Variants in CSNK1G3 observed in about 807,000 individuals in gnomAD.
CSNK1G3 encodes the protein casein kinase I isoform gamma-3.
Under a neutral mutation model 64.3 loss-of-function variants are expected in CSNK1G3, and 23 were observed. That is an observed-to-expected ratio of 0.36 (90% CI 0.26 to 0.51). CSNK1G3 has a LOEUF of 0.51. CSNK1G3 is among the 20% of genes least tolerant of loss of function. The pLI is 0.96. For synonymous variants in CSNK1G3, 158 were observed against 162.2 expected (o/e 0.97, Z 0.20); for missense variants, 357 against 510.5 (o/e 0.70, Z 2.90).
rs145658502 is a variant in CSNK1G3 at position 123,536,524 on chromosome 5, A to G, written c.-247-8893A>G. Among the ~76,000 whole-genome samples the G allele has an allele frequency of 1.1e-4, 16 of 151,778 alleles. No individual in the cohort carries two copies. The South Asian group carries it at 2.3e-3, about 22-fold the overall frequency. ...TGTAGGGGGACTATAGTTAACAGTAATGCATAGTTTCAAATAGCTAGAAGG... is the reference window on the plus strand; with the variant it reads ...TGTAGGGGGACTATAGTTAACAGTAGTGCATAGTTTCAAATAGCTAGAAGG... On this transcript the variant is annotated intron_variant, in intron 1 of 12. Transcript: ENST00000345990.
chr5:123,545,435 TC>T, exon 2 of CSNK1G3: 1 of 403,794 alleles, frequency 2.5e-6, no homozygotes, highest in Non-Finnish European at 4.5e-6. Flanking sequence ...CAATATCAGC[TC>T]ACATCATTGA....
chr5:123,512,644 C>T (rs563643617), intron 1 of CSNK1G3, 74 bp downstream of exon 1: 2 of 149,684 alleles, frequency 1.3e-5, no homozygotes, highest in African/African-American at 2.4e-5. Flanking sequence ...CCGCGGCGCC[C>T]TCCCTCCCGG....
chr5:123,521,446 G>T (rs1778089368), intron 1 of CSNK1G3, among the ~76,000 whole-genome samples: 1 of 152,026 alleles, frequency 6.6e-6, no homozygotes, highest in Admixed American at 6.6e-5. Context: ...TAAGATAATT[G>T]TTTTGAGTAT....
intron 6 of CSNK1G3, among the ~76,000 whole-genome samples, chr5:123,583,465 A>G (rs560526450): frequency 1.1e-3 from 173 of 151,642 alleles, no homozygotes; most frequent in Middle Eastern, 6.8e-3. Context: ...GATTCAAGCG[A>G]TTCTCCTGCC....
intron 6 of CSNK1G3, among the ~76,000 whole-genome samples, chr5:123,587,001 A>G (rs1487567969): frequency 6.6e-6 from 1 of 152,186 alleles, no homozygotes; most frequent in Non-Finnish European, 1.5e-5. Flanking sequence ...CTTATTCACT[A>G]TCAGGAGAAA....
chr5:123,593,810 G>A (rs1165172379), intron 10 of CSNK1G3, among the ~76,000 whole-genome samples: 1 of 152,048 alleles, frequency 6.6e-6, no homozygotes, highest in African/African-American at 2.4e-5. Context: ...GCCAGAACAT[G>A]TATTCATGTG....
At position 123,554,632 on chromosome 5, in the gene CSNK1G3, G is replaced by A. The variant is rs148662502; in HGVS notation, c.219+1485G>A. ...GTGAGCCACTGTGCCCAGCCTGGAC[G>A]TTGTTTGAACAGGCATTGCTGACTT... is the stretch of plus-strand genomic sequence containing the variant. On this transcript the variant is annotated intron_variant, in intron 3 of 12. Transcript: ENST00000345990. Among the ~76,000 whole-genome samples, 14 of 152,310 alleles carry A rather than the reference G, an allele frequency of 9.2e-5. No individual in the cohort carries two copies. The East Asian group carries it at 2.5e-3, about 27-fold the overall frequency.
At chr5:123,556,924 T>TA (rs1784750461) in intron 3 of CSNK1G3, among the ~76,000 whole-genome samples, 1 of 151,948 alleles carries the variant, frequency 6.6e-6, no homozygotes, top group Non-Finnish European at 1.5e-5. Flanking sequence ...GTGATAGAAG[T>TA]AAAAAAGGTA....
chr5:123,559,903 AC>A (rs1785352221), intron 4 of CSNK1G3, among the ~76,000 whole-genome samples: 1 of 152,082 alleles, frequency 6.6e-6, no homozygotes, highest in Non-Finnish European at 1.5e-5. Flanking sequence ...GAGTAACTCA[AC>A]CTATAATTTT....
exon 13 of CSNK1G3, chr5:123,614,436 T>C (rs1175996231): frequency 6.4e-7 from 1 of 1,569,306 alleles, no homozygotes; most frequent in Non-Finnish European, 8.7e-7. Flanking sequence ...ACTTACATGT[T>C]CATCTGCTGT....
intron 1 of CSNK1G3, among the ~76,000 whole-genome samples, chr5:123,527,389 T>C (rs891978741): frequency 6.6e-5 from 10 of 152,224 alleles, no homozygotes; most frequent in Admixed American, 1.3e-4. Flanking sequence ...TTGATTTAGC[T>C]GGGCAGAAGG....
At chr5:123,604,389 G>A (rs1316496232) in intron 10 of CSNK1G3, among the ~76,000 whole-genome samples, 3 of 151,970 alleles carry the variant, frequency 2.0e-5, no homozygotes, top group African/African-American at 7.2e-5. Context: ...GGTGCCAGAG[G>A]ACATAGACAC....
At chr5:123,566,561 C>T (rs1168337496) in intron 4 of CSNK1G3, among the ~76,000 whole-genome samples, 1 of 152,152 alleles carries the variant, frequency 6.6e-6, no homozygotes, top group East Asian at 1.9e-4. Flanking sequence ...TGTGACCTAA[C>T]CTACCATTTA....
intron 6 of CSNK1G3, among the ~76,000 whole-genome samples, chr5:123,586,469 G>A (rs1349001752): frequency 1.3e-5 from 2 of 152,110 alleles, no homozygotes; most frequent in Non-Finnish European, 2.9e-5. Flanking sequence ...ATTAGTGGAT[G>A]TAGATGGACT....
intron 6 of CSNK1G3, among the ~76,000 whole-genome samples, chr5:123,585,013 G>A (rs1157616784): frequency 2.6e-5 from 4 of 151,858 alleles, no homozygotes; most frequent in African/African-American, 9.7e-5. Flanking sequence ...TCCAGCTTTT[G>A]TTTTCATTGG....
intron 12 of CSNK1G3, among the ~76,000 whole-genome samples, chr5:123,611,088 C>T (rs1248724673): frequency 6.6e-6 from 1 of 152,166 alleles, no homozygotes; most frequent in Non-Finnish European, 1.5e-5. Flanking sequence ...AGATTAAGTG[C>T]TGGGGAAGAG....
intron 5 of CSNK1G3, among the ~76,000 whole-genome samples, chr5:123,575,194 A>G (rs1242219150): frequency 6.6e-6 from 1 of 152,208 alleles, no homozygotes; most frequent in South Asian, 2.1e-4. Context: ...TAGCTTCAAG[A>G]TTAATCATTT....
At chr5:123,588,586 C>T (rs947761186) in intron 8 of CSNK1G3, 75 bp downstream of exon 8, 27 of 943,830 alleles carry the variant, frequency 2.9e-5, no homozygotes, top group Non-Finnish European at 4.1e-5. Flanking sequence ...TAAGTTTATA[C>T]ATATTTTTTT....
chr5:123,549,468 T>C (rs1357970666), intron 2 of CSNK1G3, among the ~76,000 whole-genome samples: 5 of 152,136 alleles, frequency 3.3e-5, no homozygotes, highest in African/African-American at 9.7e-5. Flanking sequence ...ATCTGGCCCA[T>C]ACACCCAAGA....
Sources: gnomAD v4.1 joint callset for allele counts (sites outside exome capture counted in the v4.1 genomes callset) on GRCh38, gnomAD v4.1.1 for gene constraint, MANE v1.5 for transcripts, NCBI Gene and HGNC (gene_info 2026-07-23, HGNC 2026-07-21) for gene names.